TOX3: variants seen among roughly 807,000 people sequenced by gnomAD.
TOX3 encodes the protein CAG trinucleotide repeat-containing gene F9 protein.
Under a neutral mutation model 64.3 loss-of-function variants are expected in TOX3, and 22 were observed. The ratio of observed to expected loss-of-function variants is 0.34; its 90% CI spans 0.24 to 0.49. The LOEUF (loss-of-function observed/expected upper bound fraction) is 0.49. TOX3 is among the 20% of genes least tolerant of loss of function. The pLI is 0.99. For synonymous variants in TOX3, 291 were observed against 273.6 expected, an observed-to-expected ratio of 1.06 and a Z score of -0.63; for missense variants, 661 against 714.4, an observed-to-expected ratio of 0.93 and a Z score of 0.85.
At chr16:52,446,535 T>A (rs916473980) in intron 4 of TOX3, among the ~76,000 whole-genome samples, 1 of 152,178 alleles carries the variant, frequency 6.6e-6, no homozygotes, top group African/African-American at 2.4e-5. Context: ...ATACTACACA[T>A]ACATACATCA....
rs57793346 is a variant in TOX3 at position 52,537,005 on chromosome 16, C to G, written c.87+9632G>C. ...CATTTAAGGGCTAACTCTCCTTTAT[C>G]TACAGTGTTCGTTCCAACAGCAACT... is the stretch of plus-strand genomic sequence containing the variant. On this transcript the variant is annotated intron_variant, in intron 1 of 6. Transcript: ENST00000219746. Among the ~76,000 whole-genome samples, 202 of 152,116 alleles carry G rather than the reference C, an allele frequency of 1.3e-3. 1 individual carries two copies. The highest frequency in any genetic ancestry group is 4.7e-3 in the African/African-American group (193 of 41,502).
chr16:52,493,370 T>A (rs7188610), intron 1 of TOX3, among the ~76,000 whole-genome samples: 28,586 of 152,092 alleles, frequency 0.19, 3,160 homozygotes, highest in East Asian at 0.34. Flanking sequence ...AGAGTGCAAT[T>A]TTTAATCGAG....
chr16:52,487,229 C>A (rs1229309782), intron 1 of TOX3, among the ~76,000 whole-genome samples: 2 of 151,702 alleles, frequency 1.3e-5, no homozygotes, highest in Non-Finnish European at 2.9e-5. Context: ...CTGGTAGTGA[C>A]CATGCATGGC....
intron 1 of TOX3, among the ~76,000 whole-genome samples, chr16:52,498,291 C>G (rs183559199): frequency 1.3e-5 from 2 of 152,308 alleles, no homozygotes; most frequent in East Asian, 3.9e-4. Context: ...TTATGTTTCT[C>G]TCCACCGCTT....
intron 1 of TOX3, among the ~76,000 whole-genome samples, chr16:52,536,056 T>G (rs938132137): frequency 6.6e-6 from 1 of 152,200 alleles, no homozygotes; most frequent in Non-Finnish European, 1.5e-5. Context: ...AGTATTTTTA[T>G]TCATCTCTAG....
chr16:52,511,493 G>C (rs571157141), intron 1 of TOX3, among the ~76,000 whole-genome samples: 1 of 152,086 alleles, frequency 6.6e-6, no homozygotes, highest in African/African-American at 2.4e-5. Context: ...ACTCCATCTC[G>C]GGGCAGGAGA....
intron 6 of TOX3, 136 bp from the exon 7 acceptor site, chr16:52,440,104 T>C (rs1344546197): frequency 2.8e-6 from 2 of 708,740 alleles, no homozygotes; most frequent in Non-Finnish European, 4.4e-6. Context: ...GTACTCTTTG[T>C]CTTGTGACTT....
At chr16:52,511,434 G>A (rs889096943) in intron 1 of TOX3, among the ~76,000 whole-genome samples, 3 of 152,198 alleles carry the variant, frequency 2.0e-5, no homozygotes, top group Admixed American at 2.0e-4. Flanking sequence ...GGAGGTTGCA[G>A]TGGGCCAAGA....
At chr16:52,464,789 C>A (rs990764048) in intron 2 of TOX3, among the ~76,000 whole-genome samples, 5 of 151,954 alleles carry the variant, frequency 3.3e-5, no homozygotes, top group African/African-American at 1.2e-4. Context: ...TTAAAAGATG[C>A]CAGCGCTTTT....
intron 1 of TOX3, among the ~76,000 whole-genome samples, chr16:52,528,638 A>G (rs1387541973): frequency 1.3e-5 from 2 of 152,102 alleles, no homozygotes; most frequent in Non-Finnish European, 2.9e-5. Flanking sequence ...AGACCTCTTG[A>G]GTCTAACCTT....
chr16:52,479,226 A>G (rs1337220428), intron 1 of TOX3, among the ~76,000 whole-genome samples: 3 of 152,120 alleles, frequency 2.0e-5, no homozygotes. Context: ...GGTAGATAAA[A>G]CTACTTGGGC....
upstream of TOX3, among the ~76,000 whole-genome samples, chr16:52,547,186 G>T (rs1195136067): frequency 8.3e-6 from 1 of 121,212 alleles, no homozygotes; most frequent in Admixed American, 8.3e-5. Context: ...TCCTGCCTCA[G>T]CCGCCGGTCC....
intron 4 of TOX3, among the ~76,000 whole-genome samples, chr16:52,447,042 A>C (rs1440031803): frequency 6.6e-6 from 1 of 152,158 alleles, no homozygotes; most frequent in Non-Finnish European, 1.5e-5. Context: ...GACCATATGA[A>C]CTCTGAGAGA....
chr16:52,477,909 C>T (rs72807635), intron 1 of TOX3, among the ~76,000 whole-genome samples: 19,153 of 152,094 alleles, frequency 0.13, 2,012 homozygotes, highest in East Asian at 0.58. Context: ...GCTACCATAG[C>T]TCACTGTGGC....
chr16:52,482,638 G>C (rs1169592624), intron 1 of TOX3, among the ~76,000 whole-genome samples: 3 of 152,066 alleles, frequency 2.0e-5, no homozygotes, highest in Non-Finnish European at 4.4e-5. Flanking sequence ...CATATTTGGA[G>C]AGAAAATTCT....
chr16:52,543,110 G>T (rs886531344), intron 1 of TOX3, among the ~76,000 whole-genome samples: 3 of 152,168 alleles, frequency 2.0e-5, no homozygotes, highest in Non-Finnish European at 4.4e-5. Flanking sequence ...CTGGAGTTTA[G>T]TCCAAGTTTG....
At chr16:52,533,741 A>C (rs1174744017) in intron 1 of TOX3, among the ~76,000 whole-genome samples, 2 of 152,230 alleles carry the variant, frequency 1.3e-5, no homozygotes, top group African/African-American at 4.8e-5. Context: ...GAAGACAGCA[A>C]AAGTTGTTAC....
At chr16:52,495,782 C>T (rs1219237189) in intron 1 of TOX3, among the ~76,000 whole-genome samples, 1 of 152,156 alleles carries the variant, frequency 6.6e-6, no homozygotes, top group Non-Finnish European at 1.5e-5. Context: ...CAAAATTCAT[C>T]TAGAAATTCT....
At chr16:52,539,852 G>A (rs550128192) in intron 1 of TOX3, among the ~76,000 whole-genome samples, 68 of 152,154 alleles carry the variant, frequency 4.5e-4, no homozygotes, top group Admixed American at 4.4e-3. Context: ...ACCCTCAATC[G>A]TTTCTGCTTC....
Sources: allele counts gnomAD v4.1 joint callset (sites outside exome capture counted in the v4.1 genomes callset), GRCh38; gene constraint gnomAD v4.1.1; transcripts MANE v1.5; gene names NCBI Gene and HGNC (gene_info 2026-07-23, HGNC 2026-07-21).